The following FHIT variants were observed in gnomAD, a reference collection of about 807,000 sequenced individuals.
FHIT encodes bis(5'-adenosyl)-triphosphatase.
A neutral mutation model predicts 17.9 loss-of-function variants in FHIT; 19 were observed. That is an observed-to-expected ratio of 1.06 (90% CI 0.74 to 1.56). The LOEUF is 1.56. FHIT is among the 40% of genes most tolerant of loss of function. The pLI is 0.00. For missense variants in FHIT, 248 were observed against 189.2 expected, an observed-to-expected ratio of 1.31 and a Z score of -1.82; for synonymous variants, 81 against 69.7, an observed-to-expected ratio of 1.16 and a Z score of -0.81.
chr3:59,845,597 T>C (rs1029079315), intron 8 of FHIT, among the ~76,000 whole-genome samples: 1 of 152,168 alleles, frequency 6.6e-6, no homozygotes, highest in African/African-American at 2.4e-5. Flanking sequence ...GTTTTCCTTC[T>C]GTTACTGATT....
At chr3:60,275,583 C>T (rs185933636) in intron 5 of FHIT, among the ~76,000 whole-genome samples, 1 of 152,154 alleles carries the variant, frequency 6.6e-6, no homozygotes, top group South Asian at 2.1e-4. Context: ...CTTATATCCA[C>T]TACACAGAAA....
At chr3:60,003,199 A>C (rs1699794169) in intron 7 of FHIT, among the ~76,000 whole-genome samples, 4 of 152,098 alleles carry the variant, frequency 2.6e-5, no homozygotes, top group Admixed American at 2.6e-4. Flanking sequence ...CACATCCCAC[A>C]TTGCACTGCT....
At chr3:59,775,520 A>G (rs1459834341) in intron 8 of FHIT, among the ~76,000 whole-genome samples, 1 of 151,638 alleles carries the variant, frequency 6.6e-6, no homozygotes, top group Non-Finnish European at 1.5e-5. Context: ...TTTTGATTTT[A>G]TAAATGAATG....
intron 2 of FHIT, among the ~76,000 whole-genome samples, chr3:61,099,967 T>A (rs1268190379): frequency 6.6e-6 from 1 of 152,204 alleles, no homozygotes; most frequent in Admixed American, 6.5e-5. Flanking sequence ...TCCTTGCTGA[T>A]GCTTGTTATT....
intron 1 of FHIT, among the ~76,000 whole-genome samples, chr3:61,232,703 G>A (rs1240758971): frequency 6.6e-6 from 1 of 152,180 alleles, no homozygotes; most frequent in Admixed American, 6.5e-5. Context: ...CAGACCACAG[G>A]ACTAGGAAAT....
chr3:60,696,114 AAAGG>A (rs782089607), intron 4 of FHIT, among the ~76,000 whole-genome samples: 4 of 152,048 alleles, frequency 2.6e-5, no homozygotes, highest in African/African-American at 7.2e-5. Flanking sequence ...TTAAAAGAAG[AAAGG>A]AAGGAAGGAA....
chr3:60,835,049 T>G (rs1363243709), intron 3 of FHIT, among the ~76,000 whole-genome samples: 1 of 152,152 alleles, frequency 6.6e-6, no homozygotes, highest in African/African-American at 2.4e-5. Flanking sequence ...CTCTAATGCC[T>G]TCTCCTTCTA....
chr3:60,305,105 G>A (rs1020200843), intron 5 of FHIT, among the ~76,000 whole-genome samples: 1 of 152,002 alleles, frequency 6.6e-6, no homozygotes, highest in Non-Finnish European at 1.5e-5. Flanking sequence ...GGGTTTGCAA[G>A]AAAACACAGA....
chr3:60,240,814 T>TTAGCA (rs1419102945), intron 5 of FHIT, among the ~76,000 whole-genome samples: 2 of 152,080 alleles, frequency 1.3e-5, no homozygotes, highest in African/African-American at 2.4e-5. Flanking sequence ...TCAAAACCTA[T>TTAGCA]TAGCAACCCT....
At chr3:61,150,115 T>G (rs2037343192) in intron 2 of FHIT, among the ~76,000 whole-genome samples, 1 of 151,198 alleles carries the variant, frequency 6.6e-6, no homozygotes, top group African/African-American at 2.4e-5. Flanking sequence ...GGCAGAGAGA[T>G]ATAATGATAA....
intron 3 of FHIT, among the ~76,000 whole-genome samples, chr3:60,986,049 T>C (rs748741432): frequency 1.3e-5 from 2 of 152,246 alleles, no homozygotes; most frequent in South Asian, 4.1e-4. Context: ...TGTGGTTATA[T>C]TAGGCCTACT....
chr3:60,521,497 T>C (rs1415495332), intron 5 of FHIT, among the ~76,000 whole-genome samples: 2 of 152,128 alleles, frequency 1.3e-5, no homozygotes, highest in Non-Finnish European at 2.9e-5. Context: ...TCCGCCCACC[T>C]CGGCCTCCCA....
chr3:60,345,351 C>T (rs1710723012), intron 5 of FHIT, among the ~76,000 whole-genome samples: 1 of 152,168 alleles, frequency 6.6e-6, no homozygotes, highest in Non-Finnish European at 1.5e-5. Context: ...TCCTGGTCTA[C>T]AGCTTACTGT....
intron 3 of FHIT, among the ~76,000 whole-genome samples, chr3:61,006,081 A>ATT (rs745312208): frequency 0.086 from 13,002 of 151,006 alleles, 584 homozygotes; most frequent in East Asian, 0.17. Flanking sequence ...AGGTTTTTAA[A>ATT]AAAAAAAAAT....
At chr3:59,828,708 G>A (rs1313379245) in intron 8 of FHIT, among the ~76,000 whole-genome samples, 1 of 152,198 alleles carries the variant, frequency 6.6e-6, no homozygotes, top group Non-Finnish European at 1.5e-5. Flanking sequence ...TCATATCTTT[G>A]GTTAAGGCAG....
At chr3:59,884,944 A>T (rs1040386258) in intron 8 of FHIT, among the ~76,000 whole-genome samples, 2 of 152,212 alleles carry the variant, frequency 1.3e-5, no homozygotes, top group Admixed American at 6.5e-5. Flanking sequence ...ATTTAATTTC[A>T]AGGACAAAAA....
At chr3:59,913,213 G>A (rs11718220) in intron 8 of FHIT, among the ~76,000 whole-genome samples, 33,590 of 152,084 alleles carry the variant, frequency 0.22, 4,252 homozygotes, top group Middle Eastern at 0.32. Flanking sequence ...TCGTGTGTGG[G>A]TGTGTGTGTA....
intron 4 of FHIT, among the ~76,000 whole-genome samples, chr3:60,802,848 C>G (rs1701240265): frequency 6.6e-6 from 1 of 152,040 alleles, no homozygotes; most frequent in Admixed American, 6.6e-5. Flanking sequence ...CAATCTATGG[C>G]ATAGATACGT....
At chr3:60,970,046 ACTC>A (rs1251314267) in intron 3 of FHIT, among the ~76,000 whole-genome samples, 1 of 151,782 alleles carries the variant, frequency 6.6e-6, no homozygotes, top group Non-Finnish European at 1.5e-5. Flanking sequence ...CTGGTCTTAA[ACTC>A]CTACACTGAA....
Sources: allele counts gnomAD v4.1 joint callset (sites outside exome capture counted in the v4.1 genomes callset), GRCh38; gene constraint gnomAD v4.1.1; transcripts MANE v1.5; gene names NCBI Gene and HGNC (gene_info 2026-07-23, HGNC 2026-07-21).